The following PTPRD variants were observed in gnomAD, a reference collection of about 807,000 sequenced individuals.
PTPRD encodes receptor-type tyrosine-protein phosphatase delta.
A neutral mutation model predicts 214.5 loss-of-function variants in PTPRD; 34 were observed. The observed-to-expected ratio is 0.16, with a 90% confidence interval of 0.12 to 0.21. The LOEUF (loss-of-function observed/expected upper bound fraction) is 0.21. Ranked by LOEUF, PTPRD falls within the 10% of genes least tolerant of loss-of-function variation. The pLI is 1.00. For missense variants in PTPRD, 2,545 were observed against 2,398.7 expected (o/e 1.06, Z -1.27); for synonymous variants, 1,128 against 845.7 (o/e 1.33, Z -5.79).
chr9:8,649,495 C>T (rs1274899757), intron 12 of PTPRD, among the ~76,000 whole-genome samples: 2 of 152,188 alleles, frequency 1.3e-5, no homozygotes, highest in African/African-American at 4.8e-5. Flanking sequence ...CCCAAAGTAG[C>T]TATAACACAG....
intron 5 of PTPRD, among the ~76,000 whole-genome samples, chr9:9,826,841 C>A (rs997754725): frequency 6.6e-6 from 1 of 152,014 alleles, no homozygotes; most frequent in South Asian, 2.1e-4. Flanking sequence ...GCAAAAATTG[C>A]AAGCATTCTT....
intron 11 of PTPRD, among the ~76,000 whole-genome samples, chr9:8,766,415 A>T (rs374287276): frequency 6.6e-6 from 1 of 152,138 alleles, no homozygotes; most frequent in Non-Finnish European, 1.5e-5. Context: ...CAGGTCCCCA[A>T]TTTGCACCCT....
chr9:8,580,173 G>A (rs1214307959), intron 14 of PTPRD, among the ~76,000 whole-genome samples: 1 of 152,178 alleles, frequency 6.6e-6, no homozygotes, highest in East Asian at 1.9e-4. Context: ...ATCAGTAGCA[G>A]TAGACATGTG....
chr9:9,252,276 G>A (rs1442060528), intron 9 of PTPRD, among the ~76,000 whole-genome samples: 1 of 151,992 alleles, frequency 6.6e-6, no homozygotes, highest in East Asian at 1.9e-4. Flanking sequence ...ATCTCTGTTG[G>A]TCATGGCATG....
chr9:9,500,507 T>C (rs1320692100), intron 8 of PTPRD, among the ~76,000 whole-genome samples: 1 of 152,090 alleles, frequency 6.6e-6, no homozygotes, highest in Non-Finnish European at 1.5e-5. Context: ...CTAAGTTGAC[T>C]GGATTTGGTT....
intron 9 of PTPRD, among the ~76,000 whole-genome samples, chr9:9,349,355 C>A (rs1421773167): frequency 6.6e-6 from 1 of 152,086 alleles, no homozygotes; most frequent in African/African-American, 2.4e-5. Flanking sequence ...ACACCTCCAA[C>A]CCCCATCTTG....
intron 11 of PTPRD, chr9:8,859,809 G>A (rs940619618): frequency 6.0e-5 from 9 of 150,390 alleles, no homozygotes; most frequent in African/African-American, 2.2e-4. Context: ...CAATTTGGGG[G>A]TGGGGGAGGA....
At chr9:9,186,146 A>C (rs1296257510) in intron 9 of PTPRD, among the ~76,000 whole-genome samples, 6 of 152,158 alleles carry the variant, frequency 3.9e-5, no homozygotes, top group African/African-American at 1.4e-4. Flanking sequence ...CATGAACAGA[A>C]GAAAATGGAT....
chr9:8,748,560 A>C (rs564684888), intron 11 of PTPRD, among the ~76,000 whole-genome samples: 4 of 151,456 alleles, frequency 2.6e-5, no homozygotes, highest in Admixed American at 1.3e-4. Flanking sequence ...AAAGAAAAAG[A>C]AAATGCGCTT....
At chr9:10,523,383 A>T (rs1322304) in intron 2 of PTPRD, among the ~76,000 whole-genome samples, 58,184 of 150,682 alleles carry the variant, frequency 0.39, 12,775 homozygotes, top group Non-Finnish European at 0.51. Context: ...TGACAAAGCA[A>T]CTGTCCCAAG....
rs1951135328 is a variant in PTPRD, at chr9:9,291,536, G to C, written c.-203+105913C>G. Among the ~76,000 whole-genome samples, 3 of 151,162 alleles carry C rather than the reference G, an allele frequency of 2.0e-5. No individual in the cohort carries two copies. The Admixed American group carries it at 2.0e-4, about 10-fold the overall frequency. Reference sequence around the variant, plus strand: ...ATAACATAAAACGGGATTTCCCAGTGTTTTTTGAAAGACCTGATTTTGTAA... The same window carrying C: ...ATAACATAAAACGGGATTTCCCAGTCTTTTTTGAAAGACCTGATTTTGTAA... On this transcript the variant is annotated intron_variant, in intron 9 of 45. Transcript: ENST00000381196.
intron 9 of PTPRD, among the ~76,000 whole-genome samples, chr9:9,225,782 G>C (rs895932671): frequency 1.3e-5 from 2 of 152,008 alleles, no homozygotes; most frequent in Non-Finnish European, 2.9e-5. Flanking sequence ...ATAAAATACA[G>C]AACACAAGAA....
intron 34 of PTPRD, among the ~76,000 whole-genome samples, chr9:8,442,371 C>T (rs1197042423): frequency 1.3e-5 from 2 of 151,902 alleles, no homozygotes; most frequent in African/African-American, 4.9e-5. Flanking sequence ...CATTAAATGC[C>T]AATAGGCACT....
intron 9 of PTPRD, among the ~76,000 whole-genome samples, chr9:9,260,335 A>G (rs1405046524): frequency 2.0e-5 from 3 of 151,880 alleles, no homozygotes; most frequent in Non-Finnish European, 4.4e-5. Flanking sequence ...AAAGGGACTG[A>G]CTATATTAAA....
At position 8,732,181 on chromosome 9, in the gene PTPRD, A is replaced by C. The variant is rs530964329; in HGVS notation, c.64+1599T>G. On this transcript the variant is annotated intron_variant, in intron 12 of 45. Coordinates refer to ENST00000381196, the MANE Select transcript of PTPRD (RefSeq NM_002839.4). The stretch of plus-strand genomic sequence containing the variant: ...CACAATTTTAAAAGTCTTCCTTTCT[A>C]AACTCCACATCTGTCTGCCACTTTT... 7.2e-5 allele frequency among the ~76,000 whole-genome samples: 11 copies of C among 152,330 alleles called. No individual in the cohort carries two copies. The South Asian group carries it at 2.3e-3, about 32-fold the overall frequency.
chr9:10,117,972 A>G (rs972757409), intron 3 of PTPRD, among the ~76,000 whole-genome samples: 4 of 152,054 alleles, frequency 2.6e-5, no homozygotes, highest in Admixed American at 2.0e-4. Context: ...CCAACCTGGA[A>G]CTATTACCTG....
At chr9:8,717,747 G>C (rs2098452284) in intron 12 of PTPRD, among the ~76,000 whole-genome samples, 1 of 152,210 alleles carries the variant, frequency 6.6e-6, no homozygotes, top group Non-Finnish European at 1.5e-5. Context: ...AAGTGATTCT[G>C]ATGTTTTATC....
chr9:9,213,765 G>T (rs2099950362), intron 9 of PTPRD, among the ~76,000 whole-genome samples: 1 of 152,076 alleles, frequency 6.6e-6, no homozygotes, highest in Non-Finnish European at 1.5e-5. Context: ...CTAAAGAAGA[G>T]CTGATTATTC....
chr9:10,391,286 T>G lies in PTPRD; in HGVS notation c.-599-50269A>C, dbSNP rs376614735. 9.2e-5 allele frequency among the ~76,000 whole-genome samples: 14 copies of G among 151,934 alleles called. 1 individual carries two copies. The highest frequency in any genetic ancestry group is 3.4e-4 in the African/African-American group (14 of 41,532). ...AGAGATATTTGATTATTTTTGTGGT[T>G]TGGACAATATTCACATTATTATCTA... On this transcript the variant is annotated intron_variant, in intron 2 of 45. Transcript: ENST00000381196.
Sources: allele counts gnomAD v4.1 joint callset (sites outside exome capture counted in the v4.1 genomes callset), GRCh38; gene constraint gnomAD v4.1.1; transcripts MANE v1.5; gene names NCBI Gene and HGNC (gene_info 2026-07-23, HGNC 2026-07-21).